The following EVA1C variants were observed in gnomAD, a reference collection of about 807,000 sequenced individuals.
EVA1C encodes protein eva-1 homolog C.
In EVA1C, 25 loss-of-function variants were observed where a neutral mutation model predicts 45.4. That is an observed-to-expected ratio of 0.55 (90% CI 0.40 to 0.77). The LOEUF is 0.77. Among genes scored for constraint, EVA1C ranks in the 30% least tolerant of loss-of-function variants. EVA1C has a pLI of 0.00. For missense variants in EVA1C, 479 were observed against 554.8 expected (o/e 0.86, Z 1.37); for synonymous variants, 190 against 221.2 (o/e 0.86, Z 1.25).
At chr21:32,505,760 C>A (rs527810995) in intron 7 of EVA1C, among the ~76,000 whole-genome samples, 1 of 152,312 alleles carries the variant, frequency 6.6e-6, no homozygotes, top group East Asian at 1.9e-4. Flanking sequence ...GGGGGAGAGA[C>A]AGAGACAGAG....
Position 32,466,049 on chromosome 21 carries a change from C to T in EVA1C, c.482-1647C>T, listed in dbSNP as rs80168993. 6.4e-3 allele frequency among the ~76,000 whole-genome samples: 977 copies of T among 152,294 alleles called. 18 individuals are homozygous for T. Among genetic ancestry groups the T allele is most frequent in the Admixed American group, 0.036 (544 of 15,284 alleles). On this transcript the variant is annotated intron_variant, in intron 3 of 7. Coordinates refer to ENST00000300255, the MANE Select transcript of EVA1C (RefSeq NM_058187.5). ...CATTCTGCCTCTAAAGGTTTGCCTC[C>T]TCTGAATCCTTCATATAAGTGGAAT...
chr21:32,453,273 G>A (rs2035652407), intron 1 of EVA1C, 39 bp from the exon 2 acceptor site: 1 of 1,505,948 alleles, frequency 6.6e-7, no homozygotes, highest in Non-Finnish European at 9.1e-7. Context: ...GGAGTGGTGG[G>A]TTCCTGGGCC....
chr21:32,510,627 G>T (rs1456946140), intron 7 of EVA1C, among the ~76,000 whole-genome samples: 2 of 152,172 alleles, frequency 1.3e-5, no homozygotes, highest in East Asian at 3.8e-4. Flanking sequence ...AGGAGGATGG[G>T]GACCAGGTGC....
chr21:32,491,670 C>A (rs903327371), intron 4 of EVA1C, among the ~76,000 whole-genome samples: 5 of 114,994 alleles, frequency 4.3e-5, no homozygotes, highest in African/African-American at 7.0e-5. Flanking sequence ...GGTGACAGAG[C>A]GAGACTCTGT....
At chr21:32,479,241 G>A (rs922664984) in intron 4 of EVA1C, among the ~76,000 whole-genome samples, 31 of 152,054 alleles carry the variant, frequency 2.0e-4, no homozygotes, top group African/African-American at 7.0e-4. Flanking sequence ...GTCAACATGG[G>A]GAAACCCCAT....
intron 4 of EVA1C, among the ~76,000 whole-genome samples, chr21:32,489,254 T>A (rs1427421732): frequency 6.6e-6 from 1 of 152,260 alleles, no homozygotes; most frequent in Non-Finnish European, 1.5e-5. Context: ...ATCCATTTTG[T>A]GTTGATTTTT....
chr21:32,455,344 A>G (rs778021606), intron 2 of EVA1C, among the ~76,000 whole-genome samples: 1 of 152,210 alleles, frequency 6.6e-6, no homozygotes, highest in Non-Finnish European at 1.5e-5. Context: ...AAACAGTATT[A>G]ATCCATTCAT....
chr21:32,457,571 G>A, intron 2 of EVA1C, 26 bp from the exon 3 acceptor site: 1 of 1,613,894 alleles, frequency 6.2e-7, no homozygotes, highest in Non-Finnish European at 8.5e-7. Flanking sequence ...TTTCAAGCCT[G>A]TCCCTTTTCT....
chr21:32,459,726 A>T (rs1216825866), intron 3 of EVA1C, among the ~76,000 whole-genome samples: 2 of 151,614 alleles, frequency 1.3e-5, no homozygotes, highest in Non-Finnish European at 2.9e-5. Flanking sequence ...CTGTAATCCC[A>T]GCTAGTAGGG....
At position 32,439,379 on chromosome 21, in the gene EVA1C, G is replaced by A. The variant is rs116976335; in HGVS notation, c.161-13933G>A. Among the ~76,000 whole-genome samples the A allele has an allele frequency of 3.2e-3, 484 of 152,308 alleles. 16 individuals carry two copies. In the East Asian group the frequency reaches 0.081, roughly 26 times the overall value. On this transcript the variant is annotated intron_variant, in intron 1 of 7. Coordinates refer to ENST00000300255, the MANE Select transcript of EVA1C (RefSeq NM_058187.5). ...GGTGAAGCGGAGCCAGGTCACTGGC[G>A]AGTGTGCCAGGGAATCAATTAAGGA...
intron 1 of EVA1C, among the ~76,000 whole-genome samples, chr21:32,418,019 G>T (rs746168910): frequency 1.8e-4 from 28 of 152,114 alleles, no homozygotes; most frequent in Admixed American, 4.6e-4. Flanking sequence ...AGTGTGGCTG[G>T]GTGTCCCCTT....
At chr21:32,429,028 ATTTATTTT>A (rs2034594617) in intron 1 of EVA1C, among the ~76,000 whole-genome samples, 1 of 145,220 alleles carries the variant, frequency 6.9e-6, no homozygotes, top group Non-Finnish European at 1.5e-5. Context: ...TTATTTATTT[ATTTATTTT>A]TTGAGACAGG....
chr21:32,461,896 G>A (rs758506933), intron 3 of EVA1C, among the ~76,000 whole-genome samples: 19 of 152,064 alleles, frequency 1.2e-4, no homozygotes, highest in Non-Finnish European at 2.5e-4. Flanking sequence ...GCTGCATATC[G>A]TATCTGCTGT....
chr21:32,441,354 A>ATT (rs2035167109), intron 1 of EVA1C, among the ~76,000 whole-genome samples: 1 of 152,118 alleles, frequency 6.6e-6, no homozygotes, highest in South Asian at 2.1e-4. Flanking sequence ...GGCTGAATGA[A>ATT]GGGAGGAAGG....
intron 7 of EVA1C, among the ~76,000 whole-genome samples, chr21:32,512,437 C>T (rs1243768916): frequency 6.6e-6 from 1 of 152,166 alleles, no homozygotes; most frequent in African/African-American, 2.4e-5. Context: ...GAACCTGAAA[C>T]GTCCCCATTC....
chr21:32,502,533 C>T (rs1384925738), intron 6 of EVA1C, among the ~76,000 whole-genome samples: 1 of 152,076 alleles, frequency 6.6e-6, no homozygotes, highest in Non-Finnish European at 1.5e-5. Flanking sequence ...ACTGCAGAGA[C>T]CCCGTAGAGC....
intron 4 of EVA1C, among the ~76,000 whole-genome samples, chr21:32,494,781 C>CA (rs3056335): frequency 0.11 from 15,612 of 139,164 alleles, 2,303 homozygotes; most frequent in African/African-American, 0.33. Context: ...GAATCAGTTT[C>CA]AAAAAAAAAA....
chr21:32,497,698 A>G (rs183103402), intron 5 of EVA1C, among the ~76,000 whole-genome samples: 1 of 152,284 alleles, frequency 6.6e-6, no homozygotes, highest in East Asian at 1.9e-4. Flanking sequence ...ACCCGAGACT[A>G]GGCAATTTAC....
chr21:32,481,906 A>G (rs1180374150), intron 4 of EVA1C, among the ~76,000 whole-genome samples: 3 of 152,158 alleles, frequency 2.0e-5, no homozygotes, highest in African/African-American at 7.2e-5. Context: ...TGTACCATAG[A>G]TGCTTGTTTT....
Sources: allele counts gnomAD v4.1 joint callset (sites outside exome capture counted in the v4.1 genomes callset), GRCh38; gene constraint gnomAD v4.1.1; transcripts MANE v1.5; gene names NCBI Gene and HGNC (gene_info 2026-07-23, HGNC 2026-07-21).